The following KCNJ6 variants were observed in gnomAD, a reference collection of about 807,000 sequenced individuals.
KCNJ6 encodes the protein G protein-activated inward rectifier potassium channel 2.
Under a neutral mutation model 34.2 loss-of-function variants are expected in KCNJ6, and 9 were observed. The ratio of observed to expected loss-of-function variants is 0.26; its 90% CI spans 0.16 to 0.46. The LOEUF (loss-of-function observed/expected upper bound fraction) is 0.46. Among genes scored for constraint, KCNJ6 ranks in the 20% least tolerant of loss-of-function variants. The probability of loss-of-function intolerance (pLI) is 1.00; values close to 1 mark genes in which losing one functional copy is unlikely to be tolerated. For missense variants in KCNJ6, 236 were observed against 531.3 expected, an observed-to-expected ratio of 0.44 and a Z score of 5.46; for synonymous variants, 196 against 207.1, an observed-to-expected ratio of 0.95 and a Z score of 0.46.
In KCNJ6 at chr21:37,666,632, C is replaced by T. The variant is rs185114824; in HGVS notation, c.947-41148G>A. Among the ~76,000 whole-genome samples, 509 of 152,234 alleles carry T rather than the reference C, an allele frequency of 3.3e-3. 2 individuals are homozygous for T. Among genetic ancestry groups the T allele is most frequent in the African/African-American group, 0.01 (421 of 41,518 alleles). On this transcript the variant is annotated intron_variant, in intron 3 of 3. Transcript: ENST00000609713. ...CAAGTGTAAAGTGACAGCCTTTCTG[C>T]AGGTGTACCCAACAGCTCTGAAGAG...
intron 1 of KCNJ6, among the ~76,000 whole-genome samples, chr21:37,858,570 G>A (rs148039075): frequency 6.6e-6 from 1 of 152,038 alleles, no homozygotes; most frequent in Non-Finnish European, 1.5e-5. Flanking sequence ...AAGCATAAAG[G>A]GCACATAGAA....
At chr21:37,770,333 G>T (rs2055112014) in intron 2 of KCNJ6, among the ~76,000 whole-genome samples, 1 of 152,028 alleles carries the variant, frequency 6.6e-6, no homozygotes, top group African/African-American at 2.4e-5. Context: ...CTGTGAGGAG[G>T]TGCTCTACAC....
At chr21:37,697,540 C>G (rs2054669109) in intron 3 of KCNJ6, among the ~76,000 whole-genome samples, 1 of 152,186 alleles carries the variant, frequency 6.6e-6, no homozygotes, top group Non-Finnish European at 1.5e-5. Context: ...TGCAATTATT[C>G]TGATCCAAGG....
intron 1 of KCNJ6, among the ~76,000 whole-genome samples, chr21:37,869,172 G>T (rs1601509557): frequency 6.6e-6 from 1 of 152,206 alleles, no homozygotes; most frequent in Non-Finnish European, 1.5e-5. Context: ...GGACATGGAG[G>T]GATAGAAGCC....
intron 3 of KCNJ6, among the ~76,000 whole-genome samples, chr21:37,645,731 T>C (rs1202100637): frequency 6.6e-6 from 1 of 152,152 alleles, no homozygotes; most frequent in Non-Finnish European, 1.5e-5. Flanking sequence ...GGTACCAGTG[T>C]TCCTTTGGTG....
chr21:37,669,999 G>C (rs1198277706), intron 3 of KCNJ6, among the ~76,000 whole-genome samples: 1 of 152,058 alleles, frequency 6.6e-6, no homozygotes, highest in Non-Finnish European at 1.5e-5. Flanking sequence ...TACAGCTTTT[G>C]CTCCTCTATT....
chr21:37,695,485 C>T lies in KCNJ6; in HGVS notation c.946+18726G>A, dbSNP rs571882115. Among the ~76,000 whole-genome samples, 1 of 152,112 alleles carries T rather than the reference C, an allele frequency of 6.6e-6. No individual in the cohort carries two copies. Among genetic ancestry groups the T allele is most frequent in the Non-Finnish European group, 1.5e-5 (1 of 68,008 alleles). ...GTAGGGTGGCTCTTTGATCCTCCTGCAGGTGTTAAGAGCTGGGTCTGAGAC... is the reference window on the plus strand; with the variant it reads ...GTAGGGTGGCTCTTTGATCCTCCTGTAGGTGTTAAGAGCTGGGTCTGAGAC... On this transcript the variant is annotated intron_variant, in intron 3 of 3. Coordinates refer to ENST00000609713, the MANE Select transcript of KCNJ6 (RefSeq NM_002240.5). This position sits in a 1 kb window ranked among gnomAD's most constrained non-coding sequence, Gnocchi z 4.2.
chr21:37,725,300 A>G (rs858038), intron 2 of KCNJ6, among the ~76,000 whole-genome samples: 136,123 of 152,170 alleles, frequency 0.89, 61,168 homozygotes, highest in South Asian at 0.98. Context: ...GGCTGAGGCA[A>G]GAGAATCGCT....
At chr21:37,708,630 C>A (rs752882956) in intron 3 of KCNJ6, among the ~76,000 whole-genome samples, 3 of 151,996 alleles carry the variant, frequency 2.0e-5, no homozygotes, top group Admixed American at 6.5e-5. Flanking sequence ...AGGAAGATGC[C>A]TCTATGAAGA....
At chr21:37,818,207 C>CATGTGT (rs2055356394) in intron 2 of KCNJ6, among the ~76,000 whole-genome samples, 3 of 80,960 alleles carry the variant, frequency 3.7e-5, no homozygotes, top group Admixed American at 2.3e-4. Context: ...TGTGTGTGTG[C>CATGTGT]GTGCGTGTGT....
At position 37,623,236 on chromosome 21, in the gene KCNJ6, A is replaced by G. The variant is rs78571541; in HGVS notation, c.*1923T>C. ...GAAGAGAGGCCCCGAGGTTATATTT[A>G]GGAGCCACTTTCCTTATCCTGGGAC... is the stretch of plus-strand genomic sequence containing the variant. On this transcript the variant is annotated 3_prime_UTR_variant, in exon 4 of 4. Transcript: ENST00000609713. 33 of 152,394 alleles carry G rather than the reference A, an allele frequency of 2.2e-4. No homozygotes were observed. The highest frequency in any genetic ancestry group is 7.5e-4 in the African/African-American group (31 of 41,592). The allele number at this position is 152,394 out of a possible 1,614,324, so 9.4% of individuals were successfully genotyped here.
chr21:37,782,175 C>T (rs1166576723), intron 2 of KCNJ6, among the ~76,000 whole-genome samples: 1 of 151,896 alleles, frequency 6.6e-6, no homozygotes, highest in East Asian at 1.9e-4. Context: ...AGTGATGGGG[C>T]CATGAGCCAA....
chr21:37,692,568 T>C (rs1429171281), intron 3 of KCNJ6, among the ~76,000 whole-genome samples: 1 of 152,142 alleles, frequency 6.6e-6, no homozygotes, highest in African/African-American at 2.4e-5. Context: ...ATTAGACATG[T>C]GCTGGCCTGA....
chr21:37,854,157 A>G (rs2055552788), intron 1 of KCNJ6, among the ~76,000 whole-genome samples: 1 of 151,950 alleles, frequency 6.6e-6, no homozygotes, highest in Non-Finnish European at 1.5e-5. Context: ...AGAGTGTATA[A>G]AAAGCAACTC....
At chr21:37,661,208 C>T (rs539071687) in intron 3 of KCNJ6, among the ~76,000 whole-genome samples, 15 of 152,216 alleles carry the variant, frequency 9.9e-5, no homozygotes, top group African/African-American at 3.4e-4. Context: ...CCCACTCCCA[C>T]CTTTTGGTAT....
At position 37,714,616 on chromosome 21, in the gene KCNJ6, C is replaced by CT; in HGVS notation, c.540_541insA (p.Val181SerfsTer48). The CT allele has an allele frequency of 6.2e-7, 1 of 1,614,140 alleles. No individual in the cohort carries two copies. The highest frequency in any genetic ancestry group is 8.5e-7 in the Non-Finnish European group (1 of 1,180,036). On this transcript the variant is annotated frameshift_variant, in exon 3 of 4. Transcript: ENST00000609713. LOFTEE classifies it high-confidence loss of function. The surrounding 1 kb of genome is among the most constrained non-coding windows in gnomAD (Gnocchi z 5.9). ...ATGCATCCCACCATGAATGCATTGACAATGGACCCCAACACAGATTGGATT... is the reference window on the plus strand; with the variant it reads ...ATGCATCCCACCATGAATGCATTGACTAATGGACCCCAACACAGATTGGATT...
intron 3 of KCNJ6, among the ~76,000 whole-genome samples, chr21:37,667,808 G>A (rs1341024340): frequency 6.6e-6 from 1 of 151,930 alleles, no homozygotes. Context: ...TCTGTCTCCC[G>A]GGGGACAAAA....
Position 37,661,614 on chromosome 21 carries a change from G to GTTTTTTTTTTTTTTTTTTTTT in KCNJ6, c.947-36151_947-36131dup, listed in dbSNP as rs59026391. On this transcript the variant is annotated intron_variant, in intron 3 of 3. Transcript: ENST00000609713. ...TCCACCCATTTCCTTAAGAGACATA[G>GTTTTTTTTTTTTTTTTTTTTT]TTTTTTTTTTTTTTTTTTTTTTTTT... 1.7e-3 allele frequency among the ~76,000 whole-genome samples: 123 copies of GTTTTTTTTTTTTTTTTTTTTT among 71,162 alleles called. 32 individuals are homozygous for GTTTTTTTTTTTTTTTTTTTTT. Among genetic ancestry groups the GTTTTTTTTTTTTTTTTTTTTT allele is most frequent in the Non-Finnish European group, 2.5e-3 (95 of 38,246 alleles). The allele number at this position is 71,162 out of a possible 152,430, so 46.7% of individuals were successfully genotyped here.
chr21:37,734,931 T>A (rs1322156009), intron 2 of KCNJ6, among the ~76,000 whole-genome samples: 1 of 152,130 alleles, frequency 6.6e-6, no homozygotes, highest in Non-Finnish European at 1.5e-5. Context: ...GATATTTGGT[T>A]TGGCGGCTCC....
Sources: gnomAD v4.1 joint callset for allele counts (sites outside exome capture counted in the v4.1 genomes callset) on GRCh38, gnomAD v4.1.1 for gene constraint, Gnocchi (gnomAD v3.1) non-coding constraint, MANE v1.5 for transcripts, NCBI Gene and HGNC (gene_info 2026-07-23, HGNC 2026-07-21) for gene names.